EXOC2: variants seen among roughly 807,000 people sequenced by gnomAD.
EXOC2 encodes the protein exocyst complex component 2, also known as SEC5-like 1.
Under a neutral mutation model 131.8 loss-of-function variants are expected in EXOC2, and 70 were observed. That is an observed-to-expected ratio of 0.53 (90% CI 0.44 to 0.65). EXOC2 has a LOEUF of 0.65. EXOC2 is among the 30% of genes least tolerant of loss of function. The pLI, the probability that EXOC2 is intolerant of heterozygous loss-of-function variation, is 0.00. For missense variants in EXOC2, 923 were observed against 1,108.6 expected (o/e 0.83, Z 2.38); for synonymous variants, 411 against 398.4 (o/e 1.03, Z -0.38).
At chr6:528,411 G>T (rs1765874553) in intron 23 of EXOC2, among the ~76,000 whole-genome samples, 1 of 152,120 alleles carries the variant, frequency 6.6e-6, no homozygotes, top group African/African-American at 2.4e-5. Flanking sequence ...CTTTACACAA[G>T]GTCTCAACTT....
In EXOC2 at chr6:664,041, C is replaced by A. The variant is rs1763531274; in HGVS notation, c.-43-26180G>T. The stretch of plus-strand genomic sequence containing the variant: ...TCGTTTACCTTGAAAACTCTAAGGA[C>A]TCCACCAGAAAGCTCCTAGAACTGA... On this transcript the variant is annotated intron_variant, in intron 1 of 27. Coordinates refer to ENST00000230449, the MANE Select transcript of EXOC2 (RefSeq NM_018303.6). Among the ~76,000 whole-genome samples, 7 of 152,190 alleles carry A rather than the reference C, an allele frequency of 4.6e-5. No homozygotes were observed. In the South Asian group the frequency reaches 1.4e-3, roughly 32 times the overall value.
intron 23 of EXOC2, among the ~76,000 whole-genome samples, chr6:514,491 C>A (rs1765025445): frequency 6.6e-6 from 1 of 152,164 alleles, no homozygotes. Context: ...TGTGGTTTAA[C>A]TTTCTTAACA....
At chr6:568,992 C>G (rs567805411) in intron 13 of EXOC2, among the ~76,000 whole-genome samples, 1 of 152,194 alleles carries the variant, frequency 6.6e-6, no homozygotes, top group South Asian at 2.1e-4. Flanking sequence ...TGGGGCAGAC[C>G]GCTTTCAGTT....
intron 23 of EXOC2, among the ~76,000 whole-genome samples, chr6:501,082 C>T (rs1764024399): frequency 8.2e-6 from 1 of 122,642 alleles, no homozygotes; most frequent in Admixed American, 1.1e-4. Flanking sequence ...ATCTATATAT[C>T]TATTGGCTCC....
chr6:689,322 T>C (rs1262810848), intron 1 of EXOC2: 1 of 152,236 alleles, frequency 6.6e-6, no homozygotes, highest in African/African-American at 2.4e-5. Flanking sequence ...AGGTAAAGGA[T>C]GTTCAGGAAG....
At chr6:657,867 G>T (rs1365244505) in intron 1 of EXOC2, among the ~76,000 whole-genome samples, 3 of 151,824 alleles carry the variant, frequency 2.0e-5, no homozygotes, top group African/African-American at 7.3e-5. Flanking sequence ...AAGATATCTA[G>T]CAAGAACATT....
At chr6:676,776 C>T (rs1381903270) in intron 1 of EXOC2, among the ~76,000 whole-genome samples, 2 of 85,240 alleles carry the variant, frequency 2.3e-5, no homozygotes, top group Admixed American at 1.4e-4. Context: ...AGGACAGGTT[C>T]CTCGGGAGAC....
chr6:541,279 ATAAC>A (rs1378228541), intron 22 of EXOC2, among the ~76,000 whole-genome samples: 2 of 152,236 alleles, frequency 1.3e-5, no homozygotes, highest in Non-Finnish European at 2.9e-5. Flanking sequence ...AAAATGAAGA[ATAAC>A]TAAAATACCA....
chr6:553,625 CA>C (rs1380476016), intron 21 of EXOC2, among the ~76,000 whole-genome samples: 1 of 152,108 alleles, frequency 6.6e-6, no homozygotes, highest in Admixed American at 6.5e-5. Context: ...CACACAGATG[CA>C]GACAGTATAT....
intron 11 of EXOC2, among the ~76,000 whole-genome samples, chr6:584,472 C>G (rs1759090760): frequency 6.6e-6 from 1 of 152,108 alleles, no homozygotes; most frequent in African/African-American, 2.4e-5. Context: ...TCTTAAGGTT[C>G]TTGGAGTAAC....
intron 13 of EXOC2, among the ~76,000 whole-genome samples, chr6:568,860 C>A (rs1279799808): frequency 6.6e-6 from 1 of 152,114 alleles, no homozygotes; most frequent in Non-Finnish European, 1.5e-5. Context: ...TTTGCCACAA[C>A]AATTTTGCCC....
intron 1 of EXOC2, among the ~76,000 whole-genome samples, chr6:676,910 A>G (rs1764161532): frequency 7.8e-6 from 1 of 127,440 alleles, no homozygotes; most frequent in Non-Finnish European, 1.7e-5. Flanking sequence ...GGTTCCCCAT[A>G]CTCTTCAACA....
chr6:658,148 A>C (rs1189319676), intron 1 of EXOC2, among the ~76,000 whole-genome samples: 1 of 152,154 alleles, frequency 6.6e-6, no homozygotes, highest in Non-Finnish European at 1.5e-5. Flanking sequence ...TTCACTAAAC[A>C]ATCCACTTCT....
At chr6:673,359 T>C (rs563200568) in intron 1 of EXOC2, among the ~76,000 whole-genome samples, 1 of 151,714 alleles carries the variant, frequency 6.6e-6, no homozygotes, top group Admixed American at 6.6e-5. Context: ...AGTGTTCCAT[T>C]AAATTAGTAC....
At chr6:603,468 G>T (rs770699125) in intron 7 of EXOC2, among the ~76,000 whole-genome samples, 1 of 152,164 alleles carries the variant, frequency 6.6e-6, no homozygotes, top group East Asian at 1.9e-4. Context: ...AAGAGCTGAC[G>T]TCAGCACGTA....
chr6:649,374 A>G (rs1762731628), intron 1 of EXOC2, among the ~76,000 whole-genome samples: 1 of 152,194 alleles, frequency 6.6e-6, no homozygotes. Context: ...ACGTTGGGGG[A>G]ATGGGAGTAC....
intron 23 of EXOC2, among the ~76,000 whole-genome samples, chr6:510,965 G>A (rs1362853821): frequency 6.6e-6 from 1 of 152,170 alleles, no homozygotes; most frequent in African/African-American, 2.4e-5. Flanking sequence ...TTCATAAACA[G>A]GCCTGGGTTA....
At chr6:669,209 C>T (rs532738576) in intron 1 of EXOC2, 2 of 152,446 alleles carry the variant, frequency 1.3e-5, no homozygotes, top group East Asian at 3.9e-4. Flanking sequence ...ATTCCAGCTA[C>T]ATGCCAGATC....
chr6:576,638 G>A, intron 12 of EXOC2, 119 bp downstream of exon 12: 1 of 1,140,604 alleles, frequency 8.8e-7, no homozygotes, highest in Non-Finnish European at 1.2e-6. Flanking sequence ...AAGCGATGAT[G>A]GCTGATAATA....
Sources: allele counts gnomAD v4.1 joint callset (sites outside exome capture counted in the v4.1 genomes callset), GRCh38; gene constraint gnomAD v4.1.1; transcripts MANE v1.5; gene names NCBI Gene and HGNC (gene_info 2026-07-23, HGNC 2026-07-21).